Variants in TMTC2 observed in about 807,000 individuals in gnomAD.
The protein encoded by TMTC2 is transmembrane O-mannosyltransferase targeting cadherins 2, also known as protein O-mannosyl-transferase TMTC2.
TMTC2 carries 43 observed loss-of-function variants against 82.4 expected under a neutral mutation model. The observed-to-expected ratio is 0.52, with a 90% confidence interval of 0.41 to 0.67. TMTC2 has a LOEUF of 0.67. TMTC2 is among the 30% of genes least tolerant of loss of function. The pLI is 0.00. For missense variants in TMTC2, 919 were observed against 1,012.4 expected (o/e 0.91, Z 1.25); for synonymous variants, 408 against 381.9 (o/e 1.07, Z -0.80).
chr12:82,703,567 C>T (rs753209628), intron 1 of TMTC2, among the ~76,000 whole-genome samples: 10 of 149,666 alleles, frequency 6.7e-5, no homozygotes, highest in Admixed American at 3.3e-4. Flanking sequence ...GGCACGATCT[C>T]GGCTCACTGC....
At chr12:82,851,962 ATCAT>A (rs1354284535) in intron 1 of TMTC2, among the ~76,000 whole-genome samples, 3 of 152,100 alleles carry the variant, frequency 2.0e-5, no homozygotes, top group Non-Finnish European at 4.4e-5. Context: ...GCAGTGTCAC[ATCAT>A]TCATCAGTTT....
At chr12:82,918,799 T>C (rs1305930987) in intron 3 of TMTC2, among the ~76,000 whole-genome samples, 4 of 151,714 alleles carry the variant, frequency 2.6e-5, no homozygotes, top group Non-Finnish European at 5.9e-5. Context: ...GCTCTGTTGC[T>C]CAGGCTGGAG....
chr12:82,967,459 A>G (rs879412858), intron 7 of TMTC2, among the ~76,000 whole-genome samples: 4 of 152,264 alleles, frequency 2.6e-5, no homozygotes, highest in Admixed American at 6.5e-5. Context: ...CAATTATTCT[A>G]TGTTTTATGT....
intron 1 of TMTC2, among the ~76,000 whole-genome samples, chr12:82,742,070 C>T (rs567583796): frequency 7.9e-5 from 12 of 152,230 alleles, no homozygotes; most frequent in Admixed American, 2.6e-4. Context: ...AGGTCCACTG[C>T]GTACCATGTG....
At chr12:82,770,254 A>G (rs1169087017) in intron 1 of TMTC2, among the ~76,000 whole-genome samples, 2 of 152,172 alleles carry the variant, frequency 1.3e-5, no homozygotes, top group Non-Finnish European at 2.9e-5. Flanking sequence ...TGGTTAGACA[A>G]TTAAATTTCA....
intron 1 of TMTC2, among the ~76,000 whole-genome samples, chr12:82,843,183 T>C (rs2137092721): frequency 1.3e-5 from 2 of 152,022 alleles, no homozygotes; most frequent in Middle Eastern, 6.8e-3. Context: ...GCCTCCCGGG[T>C]TCAAGCGATT....
chr12:82,799,190 T>C (rs1330764836), intron 1 of TMTC2, among the ~76,000 whole-genome samples: 1 of 152,032 alleles, frequency 6.6e-6, no homozygotes, highest in Non-Finnish European at 1.5e-5. Context: ...ATATATTCAG[T>C]GTTGAAAAAT....
chr12:82,729,608 C>T (rs1481978343), intron 1 of TMTC2, among the ~76,000 whole-genome samples: 3 of 152,118 alleles, frequency 2.0e-5, no homozygotes, highest in Non-Finnish European at 2.9e-5. Flanking sequence ...TGTAAATGCA[C>T]CAATCAGCAC....
At chr12:83,099,246 C>A (rs1254656894) in intron 11 of TMTC2, among the ~76,000 whole-genome samples, 1 of 152,190 alleles carries the variant, frequency 6.6e-6, no homozygotes, top group Non-Finnish European at 1.5e-5. Flanking sequence ...TTCCTTCATG[C>A]ACAGTAGGTG....
At chr12:82,693,053 G>T (rs1872642353) in intron 1 of TMTC2, among the ~76,000 whole-genome samples, 1 of 152,144 alleles carries the variant, frequency 6.6e-6, no homozygotes. Flanking sequence ...TACAACTACA[G>T]CACTGCTTAC....
chr12:83,094,777 G>T (rs1883966124), intron 11 of TMTC2, among the ~76,000 whole-genome samples: 1 of 152,164 alleles, frequency 6.6e-6, no homozygotes, highest in Non-Finnish European at 1.5e-5. Flanking sequence ...TTCTAGCTTA[G>T]GCGACTAAGT....
intron 4 of TMTC2, among the ~76,000 whole-genome samples, chr12:82,947,894 C>A (rs10862527): frequency 0.64 from 97,539 of 151,934 alleles, 33,387 homozygotes; most frequent in South Asian, 0.82. Flanking sequence ...CAACGTCTCT[C>A]AGCCCTTTTT....
chr12:82,821,302 A>G (rs1186493916), intron 1 of TMTC2, among the ~76,000 whole-genome samples: 1 of 152,198 alleles, frequency 6.6e-6, no homozygotes, highest in Non-Finnish European at 1.5e-5. Flanking sequence ...GCATCTCACA[A>G]AAGTCCTGGC....
chr12:82,859,999 A>T (rs1259115768), intron 2 of TMTC2, among the ~76,000 whole-genome samples: 1 of 152,106 alleles, frequency 6.6e-6, no homozygotes, highest in East Asian at 1.9e-4. Context: ...TTTGAGACCG[A>T]GTCTTGCCCT....
intron 8 of TMTC2, among the ~76,000 whole-genome samples, chr12:83,006,521 T>A (rs1880212359): frequency 6.6e-6 from 1 of 152,204 alleles, no homozygotes; most frequent in Non-Finnish European, 1.5e-5. Flanking sequence ...AACCGAACTT[T>A]CCATTGTGGA....
chr12:82,771,722 C>CT (rs1877321890), intron 1 of TMTC2, among the ~76,000 whole-genome samples: 1 of 151,088 alleles, frequency 6.6e-6, no homozygotes, highest in African/African-American at 2.4e-5. Flanking sequence ...AACTAATGAA[C>CT]AATAGAAAGT....
intron 4 of TMTC2, among the ~76,000 whole-genome samples, chr12:82,955,008 G>A (rs566263649): frequency 6.6e-6 from 1 of 152,298 alleles, no homozygotes; most frequent in African/African-American, 2.4e-5. Flanking sequence ...TAGTTGGTGT[G>A]TGTGATTAGA....
intron 1 of TMTC2, among the ~76,000 whole-genome samples, chr12:82,765,059 C>T (rs1210989322): frequency 6.6e-6 from 1 of 152,014 alleles, no homozygotes; most frequent in Non-Finnish European, 1.5e-5. Flanking sequence ...AAAGATCTTG[C>T]AGCTCACTAG....
chr12:82,928,319 G>A (rs933870821), intron 3 of TMTC2, among the ~76,000 whole-genome samples: 1 of 152,116 alleles, frequency 6.6e-6, no homozygotes, highest in African/African-American at 2.4e-5. Context: ...AGAACTTTGG[G>A]AGGAATAGGG....
Sources: allele counts gnomAD v4.1 joint callset (sites outside exome capture counted in the v4.1 genomes callset), GRCh38; gene constraint gnomAD v4.1.1; transcripts MANE v1.5; gene names NCBI Gene and HGNC (gene_info 2026-07-23, HGNC 2026-07-21).